Variants in ELMO1 observed in about 807,000 individuals in gnomAD.
The protein encoded by ELMO1 is engulfment and cell motility protein 1.
A neutral mutation model predicts 98.9 loss-of-function variants in ELMO1; 26 were observed. The ratio of observed to expected loss-of-function variants is 0.26; its 90% CI spans 0.19 to 0.36. ELMO1 has a LOEUF of 0.36. Among genes scored for constraint, ELMO1 ranks in the 10% least tolerant of loss-of-function variants. The pLI, the probability that ELMO1 is intolerant of heterozygous loss-of-function variation, is 1.00. For missense variants in ELMO1, 627 were observed against 935.2 expected (o/e 0.67, Z 4.30); for synonymous variants, 346 against 346.0 (o/e 1.00, Z 0.00).
In ELMO1 at chr7:37,314,221, T is replaced by C. The variant is rs1211748166; in HGVS notation, c.192+629A>G. Among the ~76,000 whole-genome samples, 8 of 152,180 alleles carry C rather than the reference T, an allele frequency of 5.3e-5. No individual in the cohort carries two copies. In the East Asian group the frequency reaches 1.5e-3, roughly 29 times the overall value. ...TCTTAAGGAAGAAATCCTAAACAGA[T>C]GTAATGTGCATGGCTCAGTTCCTGG... On this transcript the variant is annotated intron_variant, in intron 4 of 21. Transcript: ENST00000310758.
At chr7:37,146,011 C>G (rs559427437) in intron 13 of ELMO1, among the ~76,000 whole-genome samples, 1 of 152,224 alleles carries the variant, frequency 6.6e-6, no homozygotes, top group South Asian at 2.1e-4. Context: ...AACAGCAGTT[C>G]TCTGTCTTAG....
At position 37,342,514 on chromosome 7, in the gene ELMO1, G is replaced by T; in HGVS notation, c.78+99C>A. 8.2e-7 allele frequency: 1 copy of T among 1,223,516 alleles called. No homozygotes were observed. Among genetic ancestry groups the T allele is most frequent in the Non-Finnish European group, 1.2e-6 (1 of 827,456 alleles). 75.8% of individuals were successfully genotyped at this position (1,223,516 alleles called of 1,614,324 possible). On this transcript the variant is annotated intron_variant, in intron 2 of 21. Coordinates refer to ENST00000310758, the MANE Select transcript of ELMO1 (RefSeq NM_014800.11). The surrounding 1 kb of genome is among the most constrained non-coding windows in gnomAD (Gnocchi z 4.3). ...TTGCACAGATTTTTCAACACAGCTAGAGAGAGAAAGGGAGAAGAGTGAGCT... is the reference window on the plus strand; with the variant it reads ...TTGCACAGATTTTTCAACACAGCTATAGAGAGAAAGGGAGAAGAGTGAGCT...
intron 4 of ELMO1, among the ~76,000 whole-genome samples, chr7:37,311,620 G>C (rs1478312859): frequency 6.6e-6 from 1 of 152,136 alleles, no homozygotes; most frequent in Admixed American, 6.5e-5. Flanking sequence ...GCCCAGGATC[G>C]ACCCTGTGGA....
chr7:37,191,648 G>T (rs369962809), intron 13 of ELMO1, among the ~76,000 whole-genome samples: 1 of 152,172 alleles, frequency 6.6e-6, no homozygotes, highest in African/African-American at 2.4e-5. Context: ...GGCCGGGCAC[G>T]GTGGCTCAAG....
intron 13 of ELMO1, among the ~76,000 whole-genome samples, chr7:37,174,551 T>G (rs1790394004): frequency 6.6e-6 from 1 of 152,182 alleles, no homozygotes; most frequent in Admixed American, 6.5e-5. Flanking sequence ...GAGCGGGCTA[T>G]CTGAGGATGC....
At chr7:37,433,845 A>G (rs1805033127) in intron 1 of ELMO1, among the ~76,000 whole-genome samples, 1 of 152,086 alleles carries the variant, frequency 6.6e-6, no homozygotes, top group Non-Finnish European at 1.5e-5. Context: ...TGCAGGGGGC[A>G]AAATAAGTAA....
At chr7:37,308,134 A>G (rs1212145688) in intron 4 of ELMO1, among the ~76,000 whole-genome samples, 1 of 152,170 alleles carries the variant, frequency 6.6e-6, no homozygotes, top group Non-Finnish European at 1.5e-5. Flanking sequence ...TAATTAATTA[A>G]TTAAAAAATA....
chr7:37,176,326 GTA>G (rs1480698404), intron 13 of ELMO1, among the ~76,000 whole-genome samples: 1 of 152,088 alleles, frequency 6.6e-6, no homozygotes, highest in African/African-American at 2.4e-5. Context: ...CATTGACAAA[GTA>G]CTTTCTTATA....
intron 1 of ELMO1, among the ~76,000 whole-genome samples, chr7:37,377,233 A>T (rs561486672): frequency 6.6e-6 from 1 of 152,292 alleles, no homozygotes; most frequent in African/African-American, 2.4e-5. Flanking sequence ...CTTTTGCACC[A>T]CTGAACCCCC....
intron 2 of ELMO1, among the ~76,000 whole-genome samples, chr7:37,335,687 C>A (rs1054653706): frequency 6.6e-6 from 1 of 152,176 alleles, no homozygotes; most frequent in Non-Finnish European, 1.5e-5. Flanking sequence ...TCGGCAGCCA[C>A]CCCTCTGCCC....
chr7:37,352,417 CAA>C (rs1801313096), intron 1 of ELMO1, among the ~76,000 whole-genome samples: 1 of 152,200 alleles, frequency 6.6e-6, no homozygotes, highest in South Asian at 2.1e-4. Context: ...CCGTTCTTTT[CAA>C]AGTTTCCTTT....
At chr7:37,270,555 T>C (rs1455672174) in intron 5 of ELMO1, 2 of 152,158 alleles carry the variant, frequency 1.3e-5, no homozygotes, top group Non-Finnish European at 2.9e-5. Flanking sequence ...AGAGTGAAAA[T>C]AGTAACACTT....
At chr7:37,130,232 C>A (rs1786817602) in intron 14 of ELMO1, among the ~76,000 whole-genome samples, 1 of 152,142 alleles carries the variant, frequency 6.6e-6, no homozygotes, top group Non-Finnish European at 1.5e-5. Context: ...TACTTTTGAT[C>A]TCTAGACAGT....
chr7:37,158,412 A>G lies in ELMO1; in HGVS notation c.1087-25178T>C, dbSNP rs149288697. On this transcript the variant is annotated intron_variant, in intron 13 of 21. Coordinates refer to ENST00000310758, the MANE Select transcript of ELMO1 (RefSeq NM_014800.11). Reference sequence around the variant, plus strand: ...AAAAATTTTGCAATCTATCCATCTGACAAAGGACTAATATCCAGAATTGAC... The same window carrying G: ...AAAAATTTTGCAATCTATCCATCTGGCAAAGGACTAATATCCAGAATTGAC... Among the ~76,000 whole-genome samples, 452 of 152,378 alleles carry G rather than the reference A, an allele frequency of 3.0e-3. 3 individuals carry two copies. The highest frequency in any genetic ancestry group is 0.01 in the African/African-American group (430 of 41,592).
intron 5 of ELMO1, among the ~76,000 whole-genome samples, chr7:37,265,695 A>G (rs73110823): frequency 1.3e-3 from 196 of 152,074 alleles, no homozygotes; most frequent in Middle Eastern, 3.4e-3. Context: ...TCCTCCTTGA[A>G]ACACTTTGCT....
intron 20 of ELMO1, among the ~76,000 whole-genome samples, chr7:36,864,026 G>A (rs1802837136): frequency 6.6e-6 from 1 of 152,176 alleles, no homozygotes; most frequent in African/African-American, 2.4e-5. Flanking sequence ...ATATTACAGT[G>A]GCGTGAGGGG....
At chr7:37,259,932 G>A (rs1795895930) in intron 5 of ELMO1, among the ~76,000 whole-genome samples, 1 of 152,112 alleles carries the variant, frequency 6.6e-6, no homozygotes. Flanking sequence ...CACATGCATT[G>A]GCTACTTGTG....
intron 16 of ELMO1, among the ~76,000 whole-genome samples, chr7:36,960,371 C>T (rs1788836802): frequency 6.6e-6 from 1 of 152,206 alleles, no homozygotes; most frequent in African/African-American, 2.4e-5. Flanking sequence ...GCCCTCCAGG[C>T]ACAATGACCA....
At chr7:37,432,892 G>A (rs984006882) in intron 1 of ELMO1, among the ~76,000 whole-genome samples, 8 of 152,372 alleles carry the variant, frequency 5.3e-5, no homozygotes, top group African/African-American at 1.7e-4. Context: ...GACTAGTAGA[G>A]AATTATAAGT....
Sources: allele counts gnomAD v4.1 joint callset (sites outside exome capture counted in the v4.1 genomes callset), GRCh38; gene constraint gnomAD v4.1.1; non-coding constraint Gnocchi (gnomAD v3.1); transcripts MANE v1.5; gene names NCBI Gene and HGNC (gene_info 2026-07-23, HGNC 2026-07-21).